NR6A1: variants seen among roughly 807,000 people sequenced by gnomAD.
The protein encoded by NR6A1 is retinoic acid receptor-related testis-associated receptor.
Under a neutral mutation model 59.1 loss-of-function variants are expected in NR6A1, and 7 were observed. The observed-to-expected ratio is 0.12, with a 90% confidence interval of 0.07 to 0.22. NR6A1 has a LOEUF of 0.22. NR6A1 is among the 10% of genes least tolerant of loss of function. The pLI is 1.00. For synonymous variants in NR6A1, 243 were observed against 236.1 expected, an observed-to-expected ratio of 1.03 and a Z score of -0.27; for missense variants, 468 against 611.6, an observed-to-expected ratio of 0.77 and a Z score of 2.48.
chr9:124,607,036 A>G (rs1245909118), intron 2 of NR6A1: 1 of 152,224 alleles, frequency 6.6e-6, no homozygotes, highest in Non-Finnish European at 1.5e-5. Context: ...ATTGGGATAC[A>G]TACTCCAGCA....
intron 2 of NR6A1, among the ~76,000 whole-genome samples, chr9:124,560,059 G>C (rs1259400130): frequency 6.6e-6 from 1 of 152,100 alleles, no homozygotes; most frequent in Non-Finnish European, 1.5e-5. Flanking sequence ...AAATAATCTT[G>C]GTTACACAAC....
At chr9:124,768,402 T>A (rs891438908) in intron 1 of NR6A1, among the ~76,000 whole-genome samples, 12 of 152,196 alleles carry the variant, frequency 7.9e-5, no homozygotes, top group African/African-American at 2.7e-4. Context: ...TAGGCAAACT[T>A]AAAAAAATTT....
intron 2 of NR6A1, among the ~76,000 whole-genome samples, chr9:124,662,631 C>T (rs1314704485): frequency 6.6e-6 from 1 of 152,128 alleles, no homozygotes; most frequent in Non-Finnish European, 1.5e-5. Context: ...ACAAGGCAAG[C>T]CTTCATAAAC....
chr9:124,660,536 G>GT (rs1837398460), intron 2 of NR6A1, among the ~76,000 whole-genome samples: 1 of 151,794 alleles, frequency 6.6e-6, no homozygotes, highest in African/African-American at 2.4e-5. Flanking sequence ...ATAGCGATTT[G>GT]TTAGCACAGA....
chr9:124,667,488 T>A (rs1395955027), intron 2 of NR6A1, among the ~76,000 whole-genome samples: 1 of 152,190 alleles, frequency 6.6e-6, no homozygotes, highest in East Asian at 1.9e-4. Context: ...CTACTGTATA[T>A]CCCAAACACA....
intron 2 of NR6A1, among the ~76,000 whole-genome samples, chr9:124,723,166 TCTGAGTAAA>T (rs891063618): frequency 4.1e-4 from 62 of 152,000 alleles, no homozygotes; most frequent in Middle Eastern, 3.4e-3. Context: ...TTTTTTAAAG[TCTGAGTAAA>T]CAGGAATCCA....
At chr9:124,654,875 TACACACACACACACACACAC>T (rs3983841) in intron 2 of NR6A1, among the ~76,000 whole-genome samples, 2 of 123,872 alleles carry the variant, frequency 1.6e-5, no homozygotes, top group South Asian at 3.0e-4. Context: ...TTTTTTTTTG[TACACACACACACACACACAC>T]ACACACACAC....
chr9:124,633,260 G>A (rs896071389), intron 2 of NR6A1, among the ~76,000 whole-genome samples: 14 of 151,740 alleles, frequency 9.2e-5, no homozygotes, highest in Non-Finnish European at 1.3e-4. Context: ...AAAATTAGCC[G>A]GGCATGGTGG....
chr9:124,669,813 T>A (rs1371024160), intron 2 of NR6A1, among the ~76,000 whole-genome samples: 1 of 152,120 alleles, frequency 6.6e-6, no homozygotes, highest in African/African-American at 2.4e-5. Context: ...ACCAGGCTAG[T>A]CTTGAACTCC....
Position 124,522,577 on chromosome 9 carries a change from CT to C in NR6A1, c.*127del, listed in dbSNP as rs1212092388. 1.7e-6 allele frequency: 1 copy of C among 587,036 alleles called. No homozygotes were observed. Among genetic ancestry groups the C allele is most frequent in the Non-Finnish European group, 3.0e-6 (1 of 338,682 alleles). The allele number at this position is 587,036 out of a possible 1,614,324, so 36.4% of individuals were successfully genotyped here. A position where few individuals can be genotyped will look rare whatever the true frequency, so the allele number is the denominator to read the frequency against. ...AACAGACAAACAAACAAAAACTCTT[CT>C]TGCTATGGAGGCAACGGGAAATGCT... On this transcript the variant is annotated 3_prime_UTR_variant, in exon 10 of 10. Transcript: ENST00000487099.
At chr9:124,647,498 T>G (rs887528777) in intron 2 of NR6A1, among the ~76,000 whole-genome samples, 7 of 151,760 alleles carry the variant, frequency 4.6e-5, no homozygotes, top group Admixed American at 1.3e-4. Context: ...GAGGCTGAGG[T>G]GGGTGCATCA....
intron 8 of NR6A1, among the ~76,000 whole-genome samples, chr9:124,526,286 GTA>G (rs981483768): frequency 1.3e-4 from 19 of 143,776 alleles, no homozygotes; most frequent in South Asian, 4.4e-4. Flanking sequence ...GTGTATGTGT[GTA>G]TGTGTGTGTG....
At chr9:124,716,804 G>T (rs1169430492) in intron 2 of NR6A1, among the ~76,000 whole-genome samples, 5 of 152,156 alleles carry the variant, frequency 3.3e-5, no homozygotes, top group African/African-American at 1.2e-4. Flanking sequence ...GCTAATTTTT[G>T]TATTTTTAGT....
intron 2 of NR6A1, among the ~76,000 whole-genome samples, chr9:124,715,421 G>A (rs1349318195): frequency 6.6e-6 from 1 of 152,072 alleles, no homozygotes; most frequent in Non-Finnish European, 1.5e-5. Flanking sequence ...TGTAGTCCCA[G>A]CTACTCTGGA....
At chr9:124,640,651 C>T (rs1257365668) in intron 2 of NR6A1, among the ~76,000 whole-genome samples, 1 of 151,934 alleles carries the variant, frequency 6.6e-6, no homozygotes, top group East Asian at 1.9e-4. Context: ...CCTGCTTTGG[C>T]CTCCCAAAGC....
In NR6A1 at chr9:124,614,782, T is replaced by C. The variant is rs150537674; in HGVS notation, c.143-60212A>G. 3.3e-5 allele frequency among the ~76,000 whole-genome samples: 5 copies of C among 152,302 alleles called. No homozygotes were observed. In the East Asian group the frequency reaches 9.6e-4, roughly 29 times the overall value. On this transcript the variant is annotated intron_variant, in intron 2 of 9. Coordinates refer to ENST00000487099, the MANE Select transcript of NR6A1 (RefSeq NM_033334.4). The stretch of plus-strand genomic sequence containing the variant: ...CTGGCTACCACACTGAAATTTTCTT[T>C]TTTTGTTGGTGCTTTTCAAGTCTCT...
At chr9:124,604,341 T>C (rs1239902227) in intron 2 of NR6A1, among the ~76,000 whole-genome samples, 1 of 151,952 alleles carries the variant, frequency 6.6e-6, no homozygotes, top group Non-Finnish European at 1.5e-5. Context: ...GTGAAAGGCA[T>C]CAACCACCCA....
chr9:124,610,424 C>A (rs1236405772), intron 2 of NR6A1, among the ~76,000 whole-genome samples: 1 of 152,190 alleles, frequency 6.6e-6, no homozygotes, highest in Non-Finnish European at 1.5e-5. Flanking sequence ...GTAGGTTAAA[C>A]TAGCCTTGCA....
chr9:124,626,532 G>T (rs926070774), intron 2 of NR6A1, among the ~76,000 whole-genome samples: 1 of 152,198 alleles, frequency 6.6e-6, no homozygotes, highest in African/African-American at 2.4e-5. Context: ...ATCCAGAAGT[G>T]TATCTTCCAG....
Sources: allele counts gnomAD v4.1 joint callset (sites outside exome capture counted in the v4.1 genomes callset), GRCh38; gene constraint gnomAD v4.1.1; transcripts MANE v1.5; gene names NCBI Gene and HGNC (gene_info 2026-07-23, HGNC 2026-07-21).